Variants in CATSPERD observed in about 807,000 individuals in gnomAD.
The protein encoded by CATSPERD is catsper channel auxiliary subunit delta.
CATSPERD carries 86 observed loss-of-function variants against 98.1 expected under a neutral mutation model. That is an observed-to-expected ratio of 0.88 (90% confidence interval 0.74 to 1.05). The LOEUF (loss-of-function observed/expected upper bound fraction) is 1.05. CATSPERD is among the 50% of genes least tolerant of loss of function. The pLI, the probability that CATSPERD is intolerant of heterozygous loss-of-function variation, is 0.00. For missense variants in CATSPERD, 995 were observed against 1,005.7 expected (o/e 0.99, Z 0.14); for synonymous variants, 394 against 390.2 (o/e 1.01, Z -0.12).
intron 15 of CATSPERD, among the ~76,000 whole-genome samples, chr19:5,762,212 C>T (rs558006675): frequency 2.1e-4 from 32 of 150,062 alleles, no homozygotes; most frequent in African/African-American, 7.1e-4. Flanking sequence ...TACAGACACA[C>T]GCCACCATGC....
In CATSPERD at chr19:5,773,693, C is replaced by CT. The variant is rs71172770; in HGVS notation, c.1941+745dup. Among the ~76,000 whole-genome samples, 876 of 121,372 alleles carry CT rather than the reference C, an allele frequency of 7.2e-3. 15 individuals are homozygous for CT. Among genetic ancestry groups the CT allele is most frequent in the African/African-American group, 0.021 (751 of 35,200 alleles). 79.6% of individuals were successfully genotyped at this position (121,372 alleles called of 152,430 possible). A position where few individuals can be genotyped will look rare whatever the true frequency, so the allele number is the denominator to read the frequency against. On this transcript the variant is annotated intron_variant, in intron 20 of 21. Coordinates refer to ENST00000381624, the MANE Select transcript of CATSPERD (RefSeq NM_152784.4). ...CACCATGCCCAGCTAATTTTTGTAT[C>CT]TTTTTTTTTTTTTTTTTGTAGAGGC...
At chr19:5,738,535 CAAAAACAAACCA>C (rs1356854858) in intron 6 of CATSPERD, among the ~76,000 whole-genome samples, 4 of 151,980 alleles carry the variant, frequency 2.6e-5, no homozygotes, top group Non-Finnish European at 4.4e-5. Context: ...TGTCTCGAAA[CAAAAACAAACCA>C]AAAAACAAAC....
intron 7 of CATSPERD, among the ~76,000 whole-genome samples, chr19:5,742,356 GTA>G (rs2056005671): frequency 1.3e-5 from 2 of 152,060 alleles, no homozygotes; most frequent in Admixed American, 1.3e-4. Flanking sequence ...GTGTGTGCAT[GTA>G]TGTTTGTGCG....
chr19:5,773,984 T>C (rs1394096124), intron 20 of CATSPERD, among the ~76,000 whole-genome samples: 1 of 149,974 alleles, frequency 6.7e-6, no homozygotes, highest in African/African-American at 2.5e-5. Flanking sequence ...TTTTTTTTTT[T>C]TGAGACGGAG....
chr19:5,770,670 A>T (rs915345734), intron 18 of CATSPERD, among the ~76,000 whole-genome samples: 1 of 150,548 alleles, frequency 6.6e-6, no homozygotes, highest in Non-Finnish European at 1.5e-5. Context: ...AATCCCAGCC[A>T]CTCGGGAGGC....
intron 17 of CATSPERD, among the ~76,000 whole-genome samples, chr19:5,767,369 G>A (rs2056560175): frequency 6.8e-6 from 1 of 146,884 alleles, no homozygotes; most frequent in South Asian, 2.1e-4. Context: ...GCAAAGTGCA[G>A]AGCCATTTCC....
chr19:5,743,535 G>A (rs2056030879), intron 7 of CATSPERD, among the ~76,000 whole-genome samples: 1 of 151,044 alleles, frequency 6.6e-6, no homozygotes, highest in Non-Finnish European at 1.5e-5. Context: ...GGAGACAGAG[G>A]TTGCAGTGAG....
At chr19:5,741,793 G>GT (rs1399930380) in intron 7 of CATSPERD, among the ~76,000 whole-genome samples, 2 of 96,054 alleles carry the variant, frequency 2.1e-5, no homozygotes. Context: ...GGCGGGGGGG[G>GT]GGGGGTGGTG....
chr19:5,754,337 A>C, intron 13 of CATSPERD, 92 bp downstream of exon 13: 1 of 679,360 alleles, frequency 1.5e-6, no homozygotes, highest in East Asian at 3.3e-5. Flanking sequence ...GGCATCCCCC[A>C]CAAGGAGAGA....
rs971349071 is a variant in CATSPERD, at chr19:5,750,250, C to T, written c.987+1067C>T. ...GATCACGAGTTCAGGAGATCGTGAC[C>T]ATCCTGGCTAACACGGTGAAACCCC... On this transcript the variant is annotated intron_variant, in intron 11 of 21. Transcript: ENST00000381624. Among the ~76,000 whole-genome samples, 10 of 149,204 alleles carry T rather than the reference C, an allele frequency of 6.7e-5. No individual in the cohort carries two copies. The South Asian group carries it at 1.1e-3, about 16-fold the overall frequency.
chr19:5,744,424 T>C lies in CATSPERD; in HGVS notation c.574-3T>C. 6.2e-6 allele frequency: 10 copies of C among 1,609,926 alleles called. No individual in the cohort carries two copies. The highest frequency in any genetic ancestry group is 8.5e-6 in the Non-Finnish European group (10 of 1,177,330). On this transcript the variant is annotated splice_region_variant and splice_polypyrimidine_tract_variant and intron_variant, in intron 7 of 21. Transcript: ENST00000381624. The stretch of plus-strand genomic sequence containing the variant: ...TCTGAAGTCTTTTCTGTTTGTTTCA[T>C]AGGCAGAAATCATTGGGTCTTTAGG...
At chr19:5,774,157 G>A (rs2056699569) in intron 20 of CATSPERD, among the ~76,000 whole-genome samples, 2 of 151,516 alleles carry the variant, frequency 1.3e-5, no homozygotes, top group Middle Eastern at 3.4e-3. Flanking sequence ...TAGTAGAGAC[G>A]GGGTTTCACC....
chr19:5,767,505 T>C (rs1411778851), intron 17 of CATSPERD, among the ~76,000 whole-genome samples: 1 of 151,274 alleles, frequency 6.6e-6, no homozygotes, highest in Non-Finnish European at 1.5e-5. Flanking sequence ...TTATTATTAT[T>C]GAGACGGAGT....
At position 5,759,068 on chromosome 19, in the gene CATSPERD, T is replaced by C; in HGVS notation, c.1369-18T>C. 6.2e-7 allele frequency: 1 copy of C among 1,613,366 alleles called. No individual in the cohort carries two copies. The highest frequency in any genetic ancestry group is 8.5e-7 in the Non-Finnish European group (1 of 1,179,444). On this transcript the variant is annotated intron_variant, in intron 14 of 21. Coordinates refer to ENST00000381624, the MANE Select transcript of CATSPERD (RefSeq NM_152784.4). ...TGTTCCACGGATACACTTGGGATTT[T>C]CTCTCTTGACCCCACAGGATATTTT...
At chr19:5,766,453 C>A (rs1303285605) in intron 17 of CATSPERD, among the ~76,000 whole-genome samples, 1 of 68,894 alleles carries the variant, frequency 1.5e-5, no homozygotes, top group African/African-American at 5.1e-5. Flanking sequence ...GCAAGACTCT[C>A]GTCTTGAAAA....
At chr19:5,734,456 T>C (rs975424238) in intron 5 of CATSPERD, among the ~76,000 whole-genome samples, 2 of 152,082 alleles carry the variant, frequency 1.3e-5, no homozygotes, top group African/African-American at 4.8e-5. Flanking sequence ...CTGACCAACA[T>C]GGGGAAACCC....
chr19:5,774,728 A>T (rs529451148), intron 20 of CATSPERD, among the ~76,000 whole-genome samples: 1 of 147,626 alleles, frequency 6.8e-6, no homozygotes, highest in South Asian at 2.2e-4. Flanking sequence ...ATAAATAAAT[A>T]AAGAGTGGCC....
At chr19:5,772,013 A>T (rs1321902444) in intron 19 of CATSPERD, 926 of 56,112 alleles carry the variant, frequency 0.017, no homozygotes, top group African/African-American at 0.02. Context: ...TCCTTCCTTC[A>T]TTTCCTTCCT....
At chr19:5,758,897 C>T (rs966095599) in intron 14 of CATSPERD, among the ~76,000 whole-genome samples, 189 bp from the exon 15 acceptor site, 28 of 143,352 alleles carry the variant, frequency 2.0e-4, no homozygotes, top group African/African-American at 6.8e-4. Context: ...GCACTCCAGC[C>T]TGGGCAACAG....
Sources: gnomAD v4.1 joint callset for allele counts (sites outside exome capture counted in the v4.1 genomes callset) on GRCh38, gnomAD v4.1.1 for gene constraint, MANE v1.5 for transcripts, NCBI Gene and HGNC (gene_info 2026-07-23, HGNC 2026-07-21) for gene names.